MYO1D: variants seen among roughly 807,000 people sequenced by gnomAD.
The protein encoded by MYO1D is myosin ID, also known as unconventional myosin-Id.
In MYO1D, 83 loss-of-function variants were observed where a neutral mutation model predicts 122.0. That is an observed-to-expected ratio of 0.68 (90% confidence interval 0.57 to 0.82). MYO1D has a LOEUF of 0.82. MYO1D is among the 40% of genes least tolerant of loss of function. The probability of loss-of-function intolerance (pLI) is 0.00; values close to 1 mark genes in which losing one functional copy is unlikely to be tolerated. For synonymous variants in MYO1D, 464 were observed against 446.9 expected, an observed-to-expected ratio of 1.04 and a Z score of -0.48; for missense variants, 1,157 against 1,269.5, an observed-to-expected ratio of 0.91 and a Z score of 1.35.
chr17:32,844,310 A>G (rs1057026173), intron 1 of MYO1D, among the ~76,000 whole-genome samples: 171 of 146,810 alleles, frequency 1.2e-3, no homozygotes, highest in African/African-American at 4.1e-3. Context: ...TATAATATGC[A>G]TATGTATATA....
chr17:32,516,243 G>T (rs938624331), intron 21 of MYO1D, among the ~76,000 whole-genome samples: 1 of 152,124 alleles, frequency 6.6e-6, no homozygotes, highest in Admixed American at 6.5e-5. Context: ...CCTGGGATGG[G>T]GCATCTATTT....
chr17:32,874,110 C>T (rs941251456), intron 1 of MYO1D, among the ~76,000 whole-genome samples: 2 of 152,220 alleles, frequency 1.3e-5, no homozygotes, highest in African/African-American at 4.8e-5. Context: ...AGCTCAACTC[C>T]TCTCTTCCTC....
chr17:32,824,219 T>C (rs2090701709), intron 1 of MYO1D, among the ~76,000 whole-genome samples: 1 of 152,144 alleles, frequency 6.6e-6, no homozygotes, highest in African/African-American at 2.4e-5. Flanking sequence ...AATCAAATTA[T>C]ATGCTGAACA....
rs185226723 is a variant in MYO1D, at chr17:32,822,977, A to T, written c.96-42193T>A. 5.3e-3 allele frequency among the ~76,000 whole-genome samples: 810 copies of T among 152,342 alleles called. 8 individuals carry two copies. Among genetic ancestry groups the T allele is most frequent in the African/African-American group, 0.018 (750 of 41,578 alleles). ...GCACATGTACCCTAAAACTTAAAGT[A>T]TAATAAAAATAAATAAATAAAATTA... On this transcript the variant is annotated intron_variant, in intron 1 of 21. Coordinates refer to ENST00000318217, the MANE Select transcript of MYO1D (RefSeq NM_015194.3).
At chr17:32,868,811 G>A (rs114606957) in intron 1 of MYO1D, among the ~76,000 whole-genome samples, 5,029 of 152,184 alleles carry the variant, frequency 0.033, 278 homozygotes, top group African/African-American at 0.11. Flanking sequence ...GGTCATTTAC[G>A]TCTCAGAGCC....
At chr17:32,663,649 T>C (rs370119270) in intron 16 of MYO1D, among the ~76,000 whole-genome samples, 9 of 152,304 alleles carry the variant, frequency 5.9e-5, no homozygotes, top group African/African-American at 2.2e-4. Flanking sequence ...CACTTATTGA[T>C]ATATCAGAGG....
At chr17:32,725,396 T>C (rs1339721644) in intron 14 of MYO1D, among the ~76,000 whole-genome samples, 1 of 152,084 alleles carries the variant, frequency 6.6e-6, no homozygotes, top group East Asian at 1.9e-4. Context: ...GGCACGCTCC[T>C]GTAATCCCAG....
chr17:32,738,328 C>T lies in MYO1D; in HGVS notation c.1671G>A (p.Val557=), dbSNP rs767593637. Residue 557 remains valine, a synonymous_variant, in exon 14 of 22, where the codon GTG becomes GTA. Coordinates refer to ENST00000318217, the MANE Select transcript of MYO1D (RefSeq NM_015194.3). ...WPEGKLSITE[V]TKRPLTAATL... ...TAGCAGCAGTCAGAGGTCGCTTGGT[C>T]ACCTCTGTAATGCTCAGTTTGCCTT... The T allele has an allele frequency of 4.2e-5, 67 of 1,610,560 alleles. No homozygotes were observed. In the East Asian group the frequency reaches 1.4e-3, roughly 34 times the overall value.
chr17:32,720,816 A>G (rs1018526241), intron 15 of MYO1D, among the ~76,000 whole-genome samples: 1 of 152,192 alleles, frequency 6.6e-6, no homozygotes, highest in Non-Finnish European at 1.5e-5. Context: ...TCCTCCCAAA[A>G]GGCTGAAACT....
intron 1 of MYO1D, among the ~76,000 whole-genome samples, chr17:32,853,020 A>G (rs1403938517): frequency 6.6e-6 from 1 of 152,208 alleles, no homozygotes; most frequent in African/African-American, 2.4e-5. Context: ...AGACAATTCC[A>G]TGTGATGACT....
intron 1 of MYO1D, among the ~76,000 whole-genome samples, chr17:32,821,908 A>T (rs1465942382): frequency 1.3e-5 from 2 of 152,154 alleles, no homozygotes; most frequent in Non-Finnish European, 2.9e-5. Context: ...AAATAGGAAC[A>T]CTTTTACACT....
chr17:32,605,923 T>C (rs1470217917), intron 20 of MYO1D, among the ~76,000 whole-genome samples: 2 of 148,434 alleles, frequency 1.3e-5, no homozygotes, highest in Non-Finnish European at 3.0e-5. Flanking sequence ...TCTACTGAAA[T>C]ACAAAAAAAA....
In MYO1D at chr17:32,749,022, G is replaced by A; in HGVS notation, c.1468-16C>T. On this transcript the variant is annotated splice_polypyrimidine_tract_variant and intron_variant, in intron 11 of 21. Coordinates refer to ENST00000318217, the MANE Select transcript of MYO1D (RefSeq NM_015194.3). ...AGGCACAGAGCTAAGGAATCAAGAAGGATATTATTTTGAAAACAGACATTT... is the reference window on the plus strand; with the variant it reads ...AGGCACAGAGCTAAGGAATCAAGAAAGATATTATTTTGAAAACAGACATTT... 6.2e-7 allele frequency: 1 copy of A among 1,603,432 alleles called. No homozygotes were observed. Among genetic ancestry groups the A allele is most frequent in the Non-Finnish European group, 8.5e-7 (1 of 1,171,978 alleles).
chr17:32,728,489 A>G (rs529102367), intron 14 of MYO1D, among the ~76,000 whole-genome samples: 68 of 152,296 alleles, frequency 4.5e-4, no homozygotes, highest in African/African-American at 1.5e-3. Context: ...TACAGGCATG[A>G]GCCACCGCGC....
intron 1 of MYO1D, chr17:32,792,397 A>G (rs1469571050): frequency 6.6e-6 from 1 of 150,424 alleles, no homozygotes; most frequent in Non-Finnish European, 1.5e-5. Context: ...CAAAATACAC[A>G]AAACTTTGAC....
intron 1 of MYO1D, among the ~76,000 whole-genome samples, chr17:32,808,105 G>A (rs1356950492): frequency 1.3e-5 from 2 of 152,132 alleles, no homozygotes; most frequent in African/African-American, 4.8e-5. Context: ...GAACTGATGG[G>A]TCATAGAATA....
intron 16 of MYO1D, among the ~76,000 whole-genome samples, chr17:32,682,544 G>A (rs1321943819): frequency 6.6e-6 from 1 of 151,540 alleles, no homozygotes; most frequent in African/African-American, 2.4e-5. Context: ...ATTGCGGGTT[G>A]AAAATTCTTT....
chr17:32,845,553 T>C (rs1424208620), intron 1 of MYO1D, among the ~76,000 whole-genome samples: 1 of 151,326 alleles, frequency 6.6e-6, no homozygotes, highest in African/African-American at 2.4e-5. Flanking sequence ...CCTTATAAGA[T>C]AAACAGTCTC....
At chr17:32,622,015 C>T (rs1373489218) in intron 20 of MYO1D, among the ~76,000 whole-genome samples, 3 of 152,164 alleles carry the variant, frequency 2.0e-5, no homozygotes, top group African/African-American at 2.4e-5. Context: ...TTAAGCCACT[C>T]GGTCTGTGGT....
Sources: gnomAD v4.1 joint callset for allele counts (sites outside exome capture counted in the v4.1 genomes callset) on GRCh38, gnomAD v4.1.1 for gene constraint, MANE v1.5 for transcripts, NCBI Gene and HGNC (gene_info 2026-07-23, HGNC 2026-07-21) for gene names.